Variants in GPC5 observed in about 807,000 individuals in gnomAD.
The protein encoded by GPC5 is glypican-5.
In GPC5, 47 loss-of-function variants were observed where a neutral mutation model predicts 53.9. The observed-to-expected ratio is 0.87, with a 90% CI of 0.69 to 1.11. The LOEUF is 1.11. Among genes scored for constraint, GPC5 ranks in the 50% most tolerant of loss-of-function variants. GPC5 has a pLI of 0.00. For missense variants in GPC5, 748 were observed against 713.1 expected (o/e 1.05, Z -0.56); for synonymous variants, 286 against 263.3 (o/e 1.09, Z -0.84).
intron 7 of GPC5, among the ~76,000 whole-genome samples, chr13:92,373,139 A>C (rs1160315524): frequency 1.3e-5 from 2 of 152,186 alleles, no homozygotes; most frequent in African/African-American, 2.4e-5. Context: ...ATTCCTTAAT[A>C]TAGCTTTCTC....
intron 7 of GPC5, among the ~76,000 whole-genome samples, chr13:92,282,261 C>G (rs543587523): frequency 6.6e-6 from 1 of 152,174 alleles, no homozygotes; most frequent in Non-Finnish European, 1.5e-5. Context: ...AAGACCAAAT[C>G]TACATCTGAT....
At chr13:91,989,282 T>C (rs1210875558) in intron 6 of GPC5, among the ~76,000 whole-genome samples, 1 of 152,242 alleles carries the variant, frequency 6.6e-6, no homozygotes, top group East Asian at 1.9e-4. Flanking sequence ...CATTCAAATA[T>C]AGTCTATGTC....
chr13:92,296,480 T>C (rs2043035274), intron 7 of GPC5, among the ~76,000 whole-genome samples: 1 of 152,100 alleles, frequency 6.6e-6, no homozygotes, highest in Admixed American at 6.5e-5. Context: ...GTTATGTTCC[T>C]AGTGAGAGGT....
chr13:92,105,894 G>A (rs1243263537), intron 6 of GPC5, among the ~76,000 whole-genome samples: 1 of 151,976 alleles, frequency 6.6e-6, no homozygotes, highest in South Asian at 2.1e-4. Context: ...CTGAGAAAAA[G>A]AAGGCAGTCT....
intron 4 of GPC5, among the ~76,000 whole-genome samples, chr13:91,740,094 A>G (rs2036897914): frequency 6.8e-6 from 1 of 146,042 alleles, no homozygotes; most frequent in Admixed American, 6.7e-5. Flanking sequence ...TTCTTCCGCC[A>G]CACCTGCCCT....
At chr13:91,798,337 C>G (rs1415592899) in intron 5 of GPC5, among the ~76,000 whole-genome samples, 1 of 151,898 alleles carries the variant, frequency 6.6e-6, no homozygotes, top group Non-Finnish European at 1.5e-5. Flanking sequence ...TGATGCTGTC[C>G]CTTCCCCTGC....
At chr13:92,329,268 G>C (rs1021918599) in intron 7 of GPC5, among the ~76,000 whole-genome samples, 4 of 152,162 alleles carry the variant, frequency 2.6e-5, no homozygotes, top group Admixed American at 2.0e-4. Context: ...AGCTCCTGGG[G>C]AGGCTTCAAG....
At chr13:92,567,640 A>G (rs2139037080) in intron 7 of GPC5, among the ~76,000 whole-genome samples, 1 of 152,266 alleles carries the variant, frequency 6.6e-6, no homozygotes, top group African/African-American at 2.4e-5. Flanking sequence ...CAGGACTCTC[A>G]GATACTAGAG....
intron 7 of GPC5, among the ~76,000 whole-genome samples, chr13:92,550,370 C>T (rs905125066): frequency 6.6e-6 from 1 of 151,774 alleles, no homozygotes; most frequent in African/African-American, 2.4e-5. Context: ...GTATATATGT[C>T]TCTGATAATA....
At chr13:92,258,279 A>G (rs1423765264) in intron 7 of GPC5, among the ~76,000 whole-genome samples, 1 of 152,220 alleles carries the variant, frequency 6.6e-6, no homozygotes, top group Non-Finnish European at 1.5e-5. Context: ...ATAGTTAAAT[A>G]AAACCTGTCA....
At chr13:91,525,567 C>A (rs893711392) in intron 2 of GPC5, among the ~76,000 whole-genome samples, 1 of 152,138 alleles carries the variant, frequency 6.6e-6, no homozygotes, top group Non-Finnish European at 1.5e-5. Context: ...CCACCTCTTT[C>A]TGACAATTAT....
At chr13:92,132,766 A>G (rs1300378754) in intron 6 of GPC5, among the ~76,000 whole-genome samples, 1 of 152,144 alleles carries the variant, frequency 6.6e-6, no homozygotes, top group African/African-American at 2.4e-5. Flanking sequence ...GGGTTAGGAC[A>G]TTAGCATATA....
intron 7 of GPC5, among the ~76,000 whole-genome samples, chr13:92,461,076 A>C (rs1440029451): frequency 1.3e-5 from 2 of 152,156 alleles, no homozygotes; most frequent in Admixed American, 1.3e-4. Context: ...TTTTTTTCTG[A>C]AAATCCATTA....
At chr13:91,774,850 G>A (rs748786116) in intron 5 of GPC5, among the ~76,000 whole-genome samples, 6 of 152,110 alleles carry the variant, frequency 3.9e-5, no homozygotes, top group South Asian at 2.1e-4. Flanking sequence ...GCCTTTTTGC[G>A]TAACTTTTAT....
chr13:91,770,938 A>G (rs1469283997), intron 5 of GPC5, among the ~76,000 whole-genome samples: 3 of 152,142 alleles, frequency 2.0e-5, no homozygotes, highest in Non-Finnish European at 4.4e-5. Context: ...ATAAAAACTT[A>G]TTATTCATAG....
At chr13:92,798,972 G>A (rs1876804047) in intron 7 of GPC5, among the ~76,000 whole-genome samples, 1 of 151,790 alleles carries the variant, frequency 6.6e-6, no homozygotes, top group South Asian at 2.1e-4. Flanking sequence ...AAGAAAGAGT[G>A]CATGAAATTG....
At chr13:91,676,502 A>G (rs757434749) in intron 2 of GPC5, among the ~76,000 whole-genome samples, 3 of 152,236 alleles carry the variant, frequency 2.0e-5, no homozygotes, top group African/African-American at 7.2e-5. Flanking sequence ...GTTGAAAGCT[A>G]TATGGCATCC....
chr13:91,952,039 A>C lies in GPC5; in HGVS notation c.1401+43982A>C, dbSNP rs149896743. On this transcript the variant is annotated intron_variant, in intron 6 of 7. Transcript: ENST00000377067. ...CTAACTGAATTATTTGATTTGAATA[A>C]TTTTAAGTATAATGTAGGCAATTAA... 2.5e-3 allele frequency among the ~76,000 whole-genome samples: 374 copies of C among 152,288 alleles called. 9 individuals are homozygous for C. The East Asian group carries it at 0.066, about 27-fold the overall frequency.
chr13:92,840,101 A>G (rs1257070243), intron 7 of GPC5, among the ~76,000 whole-genome samples: 2 of 83,236 alleles, frequency 2.4e-5, no homozygotes, highest in Non-Finnish European at 6.3e-5. Flanking sequence ...ATATATATAT[A>G]TATATATATA....
Sources: gnomAD v4.1 joint callset for allele counts (sites outside exome capture counted in the v4.1 genomes callset) on GRCh38, gnomAD v4.1.1 for gene constraint, MANE v1.5 for transcripts, NCBI Gene and HGNC (gene_info 2026-07-23, HGNC 2026-07-21) for gene names.